The following FRMPD4 variants were observed in gnomAD, a reference collection of about 807,000 sequenced individuals.
FRMPD4 encodes the protein FERM and PDZ domain-containing protein 4.
A neutral mutation model predicts 94.1 loss-of-function variants in FRMPD4; 22 were observed. The ratio of observed to expected loss-of-function variants is 0.23; its 90% CI spans 0.17 to 0.33. The LOEUF (loss-of-function observed/expected upper bound fraction) is 0.33. FRMPD4 is among the 10% of genes least tolerant of loss of function. The pLI is 1.00. For missense variants in FRMPD4, 1,111 were observed against 1,339.9 expected (o/e 0.83, Z 2.67); for synonymous variants, 631 against 548.6 (o/e 1.15, Z -2.10).
intron 3 of FRMPD4, chrX:12,054,907 T>G (rs1569150188): frequency 9.0e-6 from 1 of 111,674 alleles, no homozygotes; most frequent in Non-Finnish European, 1.9e-5. Context: ...TTGAGATAAT[T>G]CATTACCTTT....
intron 1 of FRMPD4, among the ~76,000 whole-genome samples, chrX:12,142,264 A>T (rs2055702708): frequency 1.8e-5 from 2 of 111,980 alleles, no homozygotes; most frequent in African/African-American, 6.5e-5. Flanking sequence ...TTAGAATGCT[A>T]ATTTTCTTAC....
chrX:12,664,749 T>C (rs760634057), intron 4 of FRMPD4, among the ~76,000 whole-genome samples: 28 of 112,009 alleles, frequency 2.5e-4, no homozygotes, highest in Non-Finnish European at 1.5e-4. Context: ...TCTCTTTTTC[T>C]ATTGTTTGGA....
chrX:12,681,141 G>C (rs1032959884), intron 5 of FRMPD4, among the ~76,000 whole-genome samples: 1 of 111,747 alleles, frequency 8.9e-6, no homozygotes, highest in Non-Finnish European at 1.9e-5. Flanking sequence ...AACAATGCTG[G>C]AGAAGTGAGG....
chrX:12,175,551 G>A (rs190017268), intron 1 of FRMPD4, among the ~76,000 whole-genome samples: 41 of 112,056 alleles, frequency 3.7e-4, no homozygotes, highest in African/African-American at 1.0e-3. Flanking sequence ...ATGGAGTTTC[G>A]CTCTTTCGCC....
chrX:12,274,490 T>A (rs963032375), intron 1 of FRMPD4, among the ~76,000 whole-genome samples: 4 of 112,400 alleles, frequency 3.6e-5, no homozygotes, highest in Admixed American at 1.9e-4. Flanking sequence ...AGAAACAACA[T>A]GTTGACTTTC....
chrX:12,521,484 TTAATGA>T (rs1457064166), intron 2 of FRMPD4, among the ~76,000 whole-genome samples: 1 of 112,186 alleles, frequency 8.9e-6, no homozygotes, highest in Non-Finnish European at 1.9e-5. Context: ...CTGTTAAATA[TTAATGA>T]TAATAATTCT....
intron 1 of FRMPD4, among the ~76,000 whole-genome samples, chrX:11,847,078 A>G (rs1313554837): frequency 2.8e-5 from 3 of 107,977 alleles, no homozygotes; most frequent in African/African-American, 1.0e-4. Flanking sequence ...AGAAACTACC[A>G]TCAGAGTGAA....
At chrX:12,363,921 G>A (rs906800752) in intron 1 of FRMPD4, among the ~76,000 whole-genome samples, 1 of 111,530 alleles carries the variant, frequency 9.0e-6, no homozygotes, top group Non-Finnish European at 1.9e-5. Flanking sequence ...AGTACATTAG[G>A]TGATGGAGAG....
intron 1 of FRMPD4, among the ~76,000 whole-genome samples, chrX:12,364,570 T>C (rs1245600641): frequency 9.0e-6 from 1 of 110,562 alleles, no homozygotes; most frequent in East Asian, 2.8e-4. Flanking sequence ...ATTGGTTGGT[T>C]TGTATTTGAA....
At chrX:12,486,513 A>G (rs911388720) in intron 1 of FRMPD4, among the ~76,000 whole-genome samples, 1 of 112,509 alleles carries the variant, frequency 8.9e-6, no homozygotes, top group African/African-American at 3.2e-5. Flanking sequence ...ATACATTATC[A>G]TTGTCAGCTG....
chrX:11,908,155 T>C (rs2053977822), intron 3 of FRMPD4, among the ~76,000 whole-genome samples: 1 of 112,221 alleles, frequency 8.9e-6, no homozygotes, highest in Non-Finnish European at 1.9e-5. Flanking sequence ...TACTTTCTGC[T>C]GACTGCTCCG....
chrX:12,085,087 A>G (rs2055096591), intron 3 of FRMPD4, among the ~76,000 whole-genome samples: 1 of 111,991 alleles, frequency 8.9e-6, no homozygotes, highest in African/African-American at 3.2e-5. Flanking sequence ...CAATTAAACA[A>G]TTAACTCTCA....
At chrX:12,489,079 TAC>T (rs2057767184) in intron 1 of FRMPD4, among the ~76,000 whole-genome samples, 1 of 111,964 alleles carries the variant, frequency 8.9e-6, no homozygotes, top group Non-Finnish European at 1.9e-5. Flanking sequence ...TCTGGCTCTT[TAC>T]ATAAATTTGC....
At chrX:12,558,064 T>C (rs1435342150) in intron 2 of FRMPD4, among the ~76,000 whole-genome samples, 1 of 112,455 alleles carries the variant, frequency 8.9e-6, no homozygotes, top group East Asian at 2.8e-4. Context: ...TCTGAAGGAT[T>C]CCAAAAAGCA....
intron 1 of FRMPD4, among the ~76,000 whole-genome samples, chrX:11,835,976 A>G (rs757988759): frequency 1.8e-5 from 2 of 112,102 alleles, no homozygotes; most frequent in African/African-American, 3.2e-5. Flanking sequence ...TGCCTACATT[A>G]TGATAGAAAC....
intron 16 of FRMPD4, among the ~76,000 whole-genome samples, 193 bp downstream of exon 16, chrX:12,718,983 G>T (rs2042166137): frequency 8.9e-6 from 1 of 112,469 alleles, no homozygotes; most frequent in Non-Finnish European, 1.9e-5. Context: ...GGTGAAAATG[G>T]CATTTGCTCT....
chrX:12,311,575 T>A (rs1040115798), intron 1 of FRMPD4, among the ~76,000 whole-genome samples: 1 of 111,760 alleles, frequency 8.9e-6, no homozygotes, highest in African/African-American at 3.2e-5. Context: ...CTTTAGAATT[T>A]CATTTCAAGT....
chrX:12,370,877 T>A (rs144349974), intron 1 of FRMPD4, among the ~76,000 whole-genome samples: 2,627 of 112,090 alleles, frequency 0.023, 80 homozygotes, highest in African/African-American at 0.08. Flanking sequence ...AGAAAGCATC[T>A]GTGTCTTCAG....
chrX:12,413,330 T>C (rs1054298695), intron 1 of FRMPD4, among the ~76,000 whole-genome samples: 17 of 112,229 alleles, frequency 1.5e-4, no homozygotes, highest in African/African-American at 5.2e-4. Context: ...TAATCCATTC[T>C]TTATTGACTG....
Sources: allele counts gnomAD v4.1 joint callset (sites outside exome capture counted in the v4.1 genomes callset), GRCh38; gene constraint gnomAD v4.1.1; transcripts MANE v1.5; gene names NCBI Gene and HGNC (gene_info 2026-07-23, HGNC 2026-07-21).